The following FAM76A variants were observed in gnomAD, a reference collection of about 807,000 sequenced individuals.
FAM76A encodes protein FAM76A.
In FAM76A, 32 loss-of-function variants were observed where a neutral mutation model predicts 46.2. The observed-to-expected ratio is 0.69, with a 90% CI of 0.52 to 0.93. The LOEUF (loss-of-function observed/expected upper bound fraction) is 0.93. Among genes scored for constraint, FAM76A ranks in the 40% least tolerant of loss-of-function variants. The pLI, the probability that FAM76A is intolerant of heterozygous loss-of-function variation, is 0.00. For missense variants in FAM76A, 274 were observed against 361.5 expected (o/e 0.76, Z 1.96); for synonymous variants, 137 against 127.0 (o/e 1.08, Z -0.53).
At chr1:27,730,195 G>C in intron 2 of FAM76A, 1 of 205,546 alleles carries the variant, frequency 4.9e-6, no homozygotes, top group Non-Finnish European at 9.8e-6. Context: ...TTTTTTTGTT[G>C]TTGTTGTTGA....
rs1015225589 is a variant in FAM76A, at chr1:27,761,163, T to C, written c.*582T>C. The C allele has an allele frequency of 1.3e-5, 2 of 152,398 alleles. No individual in the cohort carries two copies. The highest frequency in any genetic ancestry group is 4.8e-5 in the African/African-American group (2 of 41,396). 9.4% of individuals were successfully genotyped at this position (152,398 alleles called of 1,614,324 possible). Reference sequence around the variant, plus strand: ...TGTATTATGTATGAACTTTGTACTATGTATAGCCAGAGTTTTATTTATTTT... The same window carrying C: ...TGTATTATGTATGAACTTTGTACTACGTATAGCCAGAGTTTTATTTATTTT... On this transcript the variant is annotated 3_prime_UTR_variant, in exon 9 of 9. Transcript: ENST00000373954.
At chr1:27,753,033 G>A (rs1436746393) in intron 6 of FAM76A, among the ~76,000 whole-genome samples, 2 of 152,144 alleles carry the variant, frequency 1.3e-5, no homozygotes, top group East Asian at 1.9e-4. Context: ...GGTGGCGCAC[G>A]CCTGTAATCC....
At chr1:27,734,449 G>A (rs2088011774) in intron 4 of FAM76A, among the ~76,000 whole-genome samples, 1 of 151,924 alleles carries the variant, frequency 6.6e-6, no homozygotes, top group East Asian at 1.9e-4. Context: ...CAGGAGGCTG[G>A]GGCAGAAGAA....
At chr1:27,731,502 G>T (rs907794073) in intron 2 of FAM76A, among the ~76,000 whole-genome samples, 1 of 151,896 alleles carries the variant, frequency 6.6e-6, no homozygotes, top group Non-Finnish European at 1.5e-5. Flanking sequence ...TACCGTGCCC[G>T]GCCTAAATAT....
chr1:27,758,261 G>A (rs2088448334), intron 7 of FAM76A, among the ~76,000 whole-genome samples: 1 of 152,144 alleles, frequency 6.6e-6, no homozygotes, highest in Admixed American at 6.5e-5. Flanking sequence ...ACAAGGGACT[G>A]GAAGTCTTTC....
chr1:27,753,651 G>T (rs934170504), intron 6 of FAM76A, among the ~76,000 whole-genome samples: 1 of 152,106 alleles, frequency 6.6e-6, no homozygotes, highest in Middle Eastern at 3.2e-3. Flanking sequence ...TATTCTTGTC[G>T]ATTATTTATG....
In FAM76A at chr1:27,726,034, A is replaced by G; in HGVS notation, c.-47A>G. The G allele has an allele frequency of 8.0e-7, 1 of 1,251,402 alleles. No homozygotes were observed. The highest frequency in any genetic ancestry group is 1.0e-6 in the Non-Finnish European group (1 of 995,118). 77.5% of individuals were successfully genotyped at this position (1,251,402 alleles called of 1,614,324 possible). A position where few individuals can be genotyped will look rare whatever the true frequency, so the allele number is the denominator to read the frequency against. On this transcript the variant is annotated 5_prime_UTR_variant, in exon 1 of 9. Coordinates refer to ENST00000373954, the MANE Select transcript of FAM76A (RefSeq NM_152660.3). ...GGTTGTGCCTCAGACTGTCAGATAA[A>G]TCGGCGGGCCGGGCCGGCGGGTCGG...
At chr1:27,752,094 T>C (rs2088342241) in intron 6 of FAM76A, among the ~76,000 whole-genome samples, 4 of 152,194 alleles carry the variant, frequency 2.6e-5, no homozygotes, top group African/African-American at 9.6e-5. Flanking sequence ...TCATATACTT[T>C]TAAATTTATG....
chr1:27,749,234 C>T, intron 6 of FAM76A, 80 bp downstream of exon 6: 1 of 913,288 alleles, frequency 1.1e-6, no homozygotes, highest in Non-Finnish European at 1.6e-6. Flanking sequence ...TTAGGGTCTG[C>T]CTTGGAATTA....
At chr1:27,754,109 T>C (rs1232475258) in intron 6 of FAM76A, among the ~76,000 whole-genome samples, 1 of 146,820 alleles carries the variant, frequency 6.8e-6, no homozygotes, top group Non-Finnish European at 1.5e-5. Context: ...CTTTTTTTTT[T>C]TTTTTTTTTT....
At chr1:27,741,718 T>C (rs972776167) in intron 4 of FAM76A, among the ~76,000 whole-genome samples, 1 of 151,630 alleles carries the variant, frequency 6.6e-6, no homozygotes, top group Non-Finnish European at 1.5e-5. Flanking sequence ...CCATCTCTAC[T>C]AAAAATATAA....
chr1:27,739,775 G>A (rs1401318005), intron 4 of FAM76A, among the ~76,000 whole-genome samples: 3 of 152,174 alleles, frequency 2.0e-5, no homozygotes, highest in African/African-American at 7.2e-5. Flanking sequence ...GCGAGATTGT[G>A]AGACCCTGTC....
chr1:27,726,129 G>A lies in FAM76A; in HGVS notation c.49G>A (p.Glu17Lys). 1 of 1,306,622 alleles carries A rather than the reference G, an allele frequency of 7.7e-7. No homozygotes were observed. Among genetic ancestry groups the A allele is most frequent in the South Asian group, 2.2e-5 (1 of 44,830 alleles). 80.9% of individuals were successfully genotyped at this position (1,306,622 alleles called of 1,614,324 possible). Residue 17 changes from glutamate to lysine, a missense_variant, in exon 1 of 9, where the codon GAG becomes AAG. Transcript: ENST00000373954. ...CTKCHQRFPFEALSQGQQLCK... is the reference protein window; with the variant it reads ...CTKCHQRFPFKALSQGQQLCK... ...CAAGTGCCACCAGCGCTTCCCCTTC[G>A]AGGCGCTGTCTCAGGGGCAGCAGCT...
At chr1:27,744,466 CACTATGTT>C (rs2088207883) in intron 4 of FAM76A, among the ~76,000 whole-genome samples, 180 bp from the exon 5 acceptor site, 1 of 152,134 alleles carries the variant, frequency 6.6e-6, no homozygotes, top group South Asian at 2.1e-4. Context: ...ATGTGCCTGG[CACTATGTT>C]AAGTGCTTTA....
intron 4 of FAM76A, 112 bp downstream of exon 4, chr1:27,734,295 C>T: frequency 8.8e-7 from 1 of 1,134,390 alleles, no homozygotes; most frequent in Non-Finnish European, 1.2e-6. Flanking sequence ...TGCCTGTAAT[C>T]CCAGCACTTT....
At chr1:27,732,483 A>G in intron 2 of FAM76A, 120 bp from the exon 3 acceptor site, 1 of 650,262 alleles carries the variant, frequency 1.5e-6, no homozygotes, top group Non-Finnish European at 2.7e-6. Flanking sequence ...GCTAGTGTTA[A>G]CCAAGCATCC....
chr1:27,742,327 CAG>C (rs2088168831), intron 4 of FAM76A, among the ~76,000 whole-genome samples: 1 of 152,186 alleles, frequency 6.6e-6, no homozygotes, highest in Non-Finnish European at 1.5e-5. Flanking sequence ...GAATGCTGCA[CAG>C]AGACACCACA....
At chr1:27,760,341 C>G (rs2088483776) in intron 8 of FAM76A, among the ~76,000 whole-genome samples, 154 bp from the exon 9 acceptor site, 2 of 152,224 alleles carry the variant, frequency 1.3e-5, no homozygotes. Context: ...AAGTTTCAAG[C>G]CCTAGAGCTT....
At position 27,753,850 on chromosome 1, in the gene FAM76A, T is replaced by C. The variant is rs190445292; in HGVS notation, c.600-1345T>C. Among the ~76,000 whole-genome samples, 457 of 152,258 alleles carry C rather than the reference T, an allele frequency of 3.0e-3. 1 individual carries two copies. Among genetic ancestry groups the C allele is most frequent in the Non-Finnish European group, 4.9e-3 (334 of 68,018 alleles). On this transcript the variant is annotated intron_variant, in intron 6 of 8. Transcript: ENST00000373954. ...GAGAATGAGTATTCCAGTGTCTGCTTAGGAAAAACAGGTTTGTGTTTTACT... is the reference window on the plus strand; with the variant it reads ...GAGAATGAGTATTCCAGTGTCTGCTCAGGAAAAACAGGTTTGTGTTTTACT...
Sources: gnomAD v4.1 joint callset for allele counts (sites outside exome capture counted in the v4.1 genomes callset) on GRCh38, gnomAD v4.1.1 for gene constraint, MANE v1.5 for transcripts, NCBI Gene and HGNC (gene_info 2026-07-23, HGNC 2026-07-21) for gene names.